Variants in MAGI1 observed in about 807,000 individuals in gnomAD.
MAGI1 encodes the protein membrane associated guanylate kinase, WW and PDZ domain containing 1, also known as membrane-associated guanylate kinase, WW and PDZ domain-containing protein 1.
MAGI1 carries 58 observed loss-of-function variants against 139.9 expected under a neutral mutation model. The observed-to-expected ratio is 0.41, with a 90% confidence interval of 0.34 to 0.52. The LOEUF (loss-of-function observed/expected upper bound fraction) is 0.52. MAGI1 is among the 20% of genes least tolerant of loss of function. The probability of loss-of-function intolerance (pLI) is 0.12; values close to 1 mark genes in which losing one functional copy is unlikely to be tolerated. For missense variants in MAGI1, 1,874 were observed against 1,901.6 expected (o/e 0.99, Z 0.27); for synonymous variants, 812 against 737.9 (o/e 1.10, Z -1.63).
At chr3:65,756,026 C>A (rs1228646617) in intron 1 of MAGI1, among the ~76,000 whole-genome samples, 1 of 152,158 alleles carries the variant, frequency 6.6e-6, no homozygotes, top group African/African-American at 2.4e-5. Context: ...TCAACTTTCA[C>A]AATGAAAGAT....
chr3:65,776,983 T>C (rs2038496064), intron 1 of MAGI1, among the ~76,000 whole-genome samples: 1 of 152,166 alleles, frequency 6.6e-6, no homozygotes. Flanking sequence ...CTTGCTTTCA[T>C]CTTTCATCTC....
Position 65,355,476 on chromosome 3 carries a change from T to C in MAGI1, c.*902A>G, listed in dbSNP as rs1231427124. The C allele has an allele frequency of 6.6e-6, 1 of 152,270 alleles. No homozygotes were observed. Among genetic ancestry groups the C allele is most frequent in the Non-Finnish European group, 1.5e-5 (1 of 68,098 alleles). 9.4% of individuals were successfully genotyped at this position (152,270 alleles called of 1,614,324 possible). ...TTTCCAAATTGGGGATCTTACGTCT[T>C]CCTCACACCAGGCACACTGTCCCCC... is the stretch of plus-strand genomic sequence containing the variant. On this transcript the variant is annotated 3_prime_UTR_variant, in exon 23 of 23. Coordinates refer to ENST00000402939, the MANE Select transcript of MAGI1 (RefSeq NM_001033057.2).
chr3:65,986,852 A>G (rs1576367328), intron 1 of MAGI1, among the ~76,000 whole-genome samples: 2 of 148,138 alleles, frequency 1.4e-5, no homozygotes, highest in Non-Finnish European at 3.0e-5. Context: ...GAAGGTAAGT[A>G]GTGCAATTAA....
rs928803931 is a variant in MAGI1, at chr3:65,530,834, T to C, written c.431-37203A>G. On this transcript the variant is annotated intron_variant, in intron 2 of 22. Coordinates refer to ENST00000402939, the MANE Select transcript of MAGI1 (RefSeq NM_001033057.2). The stretch of plus-strand genomic sequence containing the variant: ...ACATATATATACACGTATATATATA[T>C]ATATACACACACACACACACATATA... Among the ~76,000 whole-genome samples the C allele has an allele frequency of 1.3e-3, 47 of 35,560 alleles. 1 individual carries two copies. Among genetic ancestry groups the C allele is most frequent in the East Asian group, 0.011 (21 of 1,924 alleles). 23.3% of individuals were successfully genotyped at this position (35,560 alleles called of 152,430 possible).
intron 1 of MAGI1, among the ~76,000 whole-genome samples, chr3:65,750,205 C>T (rs1047928518): frequency 5.3e-5 from 8 of 152,158 alleles, no homozygotes; most frequent in African/African-American, 1.9e-4. Context: ...AGCAACCATC[C>T]TATAATTCTG....
chr3:65,865,292 C>T (rs748938343), intron 1 of MAGI1, among the ~76,000 whole-genome samples: 2 of 152,090 alleles, frequency 1.3e-5, no homozygotes, highest in Non-Finnish European at 2.9e-5. Flanking sequence ...CTAAACGGCA[C>T]CTGTTAAACT....
intron 1 of MAGI1, among the ~76,000 whole-genome samples, chr3:65,712,413 T>C (rs2107654240): frequency 6.8e-6 from 1 of 146,588 alleles, no homozygotes; most frequent in African/African-American, 2.6e-5. Context: ...TGAATCCAGC[T>C]GCAGCTACCA....
intron 3 of MAGI1, among the ~76,000 whole-genome samples, chr3:65,488,154 A>C (rs1273913262): frequency 1.3e-5 from 2 of 151,970 alleles, no homozygotes; most frequent in African/African-American, 2.4e-5. Flanking sequence ...TTCTCTGTGG[A>C]TTCAGGCCCC....
chr3:65,970,275 G>A lies in MAGI1; in HGVS notation c.313+67721C>T, dbSNP rs1312383875. Among the ~76,000 whole-genome samples, 3 of 152,076 alleles carry A rather than the reference G, an allele frequency of 2.0e-5. No homozygotes were observed. In the East Asian group the frequency reaches 5.8e-4, roughly 29 times the overall value. ...ATACTCTATGAGTCCACTTATATGA[G>A]GTACCAAGAATAATTAAATTCATAG... is the stretch of plus-strand genomic sequence containing the variant. On this transcript the variant is annotated intron_variant, in intron 1 of 22. Transcript: ENST00000402939.
chr3:65,634,941 G>C (rs1053169360), intron 1 of MAGI1, among the ~76,000 whole-genome samples: 11 of 152,150 alleles, frequency 7.2e-5, no homozygotes, highest in African/African-American at 2.7e-4. Context: ...TAGCAAAATG[G>C]AAATAGGTGT....
chr3:65,820,477 C>T (rs913459368), intron 1 of MAGI1, among the ~76,000 whole-genome samples: 2 of 152,052 alleles, frequency 1.3e-5, no homozygotes, highest in African/African-American at 2.4e-5. Flanking sequence ...TCTTTTAAGT[C>T]GAGGAGTACT....
At chr3:65,657,349 C>T (rs938849073) in intron 1 of MAGI1, among the ~76,000 whole-genome samples, 1 of 150,560 alleles carries the variant, frequency 6.6e-6, no homozygotes, top group African/African-American at 2.4e-5. Context: ...AGTCCAAGCA[C>T]ATTGGGAGGC....
At chr3:65,869,791 TG>T (rs1193073019) in intron 1 of MAGI1, among the ~76,000 whole-genome samples, 2 of 152,108 alleles carry the variant, frequency 1.3e-5, no homozygotes, top group Non-Finnish European at 2.9e-5. Flanking sequence ...CCAACTGAAA[TG>T]AAATGAGGAT....
Position 65,439,928 on chromosome 3 carries a change from TTGCTGCTGCTGCTGC to T in MAGI1, c.1206_1220del (p.Gln417_Gln421del). The T allele has an allele frequency of 6.2e-7, 1 of 1,604,506 alleles. No individual in the cohort carries two copies. Among genetic ancestry groups the T allele is most frequent in the Non-Finnish European group, 8.5e-7 (1 of 1,174,142 alleles). On this transcript the variant is annotated inframe_deletion, in exon 9 of 23. Coordinates refer to ENST00000402939, the MANE Select transcript of MAGI1 (RefSeq NM_001033057.2). ...GCTGCTGCTGCTGTTGCTGCTGCTG[TTGCTGCTGCTGCTGC>T]TGCTCAAGCTGCTTCTTCCGTTTGG...
At chr3:65,864,323 A>T (rs1163947670) in intron 1 of MAGI1, among the ~76,000 whole-genome samples, 5 of 152,246 alleles carry the variant, frequency 3.3e-5, no homozygotes, top group Non-Finnish European at 7.3e-5. Flanking sequence ...ATCTATGTGG[A>T]GTGATCATGA....
chr3:65,692,119 A>G (rs1489867391), intron 1 of MAGI1, among the ~76,000 whole-genome samples: 1 of 152,142 alleles, frequency 6.6e-6, no homozygotes, highest in East Asian at 1.9e-4. Flanking sequence ...TTTAAAAAAA[A>G]AATGTGATCT....
chr3:65,622,266 T>C (rs942803063), intron 1 of MAGI1, among the ~76,000 whole-genome samples, 178 bp from the exon 2 acceptor site: 2 of 152,148 alleles, frequency 1.3e-5, no homozygotes, highest in Admixed American at 6.5e-5. Context: ...CAGAATGTCA[T>C]AAAGATAAAA....
At chr3:65,738,645 T>C (rs2034991533) in intron 1 of MAGI1, among the ~76,000 whole-genome samples, 1 of 152,242 alleles carries the variant, frequency 6.6e-6, no homozygotes, top group African/African-American at 2.4e-5. Flanking sequence ...ATCCATGGGC[T>C]GCAGAAGGGA....
chr3:65,963,654 T>C (rs925985016), intron 1 of MAGI1, among the ~76,000 whole-genome samples: 2 of 152,134 alleles, frequency 1.3e-5, no homozygotes, highest in Non-Finnish European at 2.9e-5. Flanking sequence ...CAATGTAATG[T>C]AGGATGGGCA....
Sources: allele counts gnomAD v4.1 joint callset (sites outside exome capture counted in the v4.1 genomes callset), GRCh38; gene constraint gnomAD v4.1.1; transcripts MANE v1.5; gene names NCBI Gene and HGNC (gene_info 2026-07-23, HGNC 2026-07-21).